The following PRDM15 variants were observed in gnomAD, a reference collection of about 807,000 sequenced individuals.
PRDM15 encodes the protein PR domain zinc finger protein 15.
In PRDM15, 64 loss-of-function variants were observed where a neutral mutation model predicts 128.6. The ratio of observed to expected loss-of-function variants is 0.50; its 90% CI spans 0.41 to 0.61. The LOEUF is 0.61. PRDM15 is among the 20% of genes least tolerant of loss of function. The probability of loss-of-function intolerance (pLI) is 0.00; values close to 1 mark genes in which losing one functional copy is unlikely to be tolerated. For missense variants in PRDM15, 1,242 were observed against 1,569.1 expected (o/e 0.79, Z 3.52); for synonymous variants, 615 against 621.8 (o/e 0.99, Z 0.16).
chr21:41,841,599 T>C (rs1037267494), intron 6 of PRDM15, among the ~76,000 whole-genome samples: 1 of 151,910 alleles, frequency 6.6e-6, no homozygotes, highest in Non-Finnish European at 1.5e-5. Context: ...CAAACATCAT[T>C]CTAGACAATT....
Position 41,836,246 on chromosome 21 carries a change from G to A in PRDM15, c.1184-39C>T, listed in dbSNP as rs755191560. On this transcript the variant is annotated intron_variant, in intron 9 of 23. Coordinates refer to ENST00000398548, the MANE Select transcript of PRDM15 (RefSeq NM_001040424.3). ...CAACAGAGAGCTCATTCACTACTTA[G>A]AGCATTTACCGAGAGAAGCATGCCC... 3.4e-5 allele frequency: 53 copies of A among 1,571,272 alleles called. 1 individual carries two copies. The East Asian group carries it at 1.2e-3, about 35-fold the overall frequency.
chr21:41,868,481 G>A (rs1218534730), intron 1 of PRDM15, among the ~76,000 whole-genome samples: 3 of 151,966 alleles, frequency 2.0e-5, no homozygotes, highest in East Asian at 1.9e-4. Flanking sequence ...GTTTCTCGGC[G>A]GCCTCACCAG....
rs200897134 is a variant in PRDM15 at position 41,810,357 on chromosome 21, C to T, written c.2477-28G>A. The T allele has an allele frequency of 5.7e-4, 911 of 1,597,690 alleles. 5 individuals carry two copies. The African/African-American group carries it at 0.011, about 19-fold the overall frequency. On this transcript the variant is annotated intron_variant, in intron 20 of 23. Transcript: ENST00000398548. The surrounding 1 kb of genome is among the most constrained non-coding windows in gnomAD (Gnocchi z 6.4). ...TTTCACACACACGCAGACACACATG[C>T]GCGTGGAAAGGAAGAGACACGCAGG...
chr21:41,802,015 A>G (rs564571667), intron 23 of PRDM15, among the ~76,000 whole-genome samples: 4 of 152,226 alleles, frequency 2.6e-5, no homozygotes, highest in Admixed American at 6.5e-5. Flanking sequence ...TTCCTTTTCT[A>G]TCCATTCCTC....
intron 5 of PRDM15, among the ~76,000 whole-genome samples, chr21:41,850,970 C>T (rs7282500): frequency 2.4e-4 from 36 of 152,098 alleles, no homozygotes; most frequent in African/African-American, 8.0e-4. Context: ...GGATCTCTCA[C>T]GCTCACCAGG....
chr21:41,832,677 A>G lies in PRDM15; in HGVS notation c.1366+2760T>C, dbSNP rs2062736332. Among the ~76,000 whole-genome samples the G allele has an allele frequency of 6.6e-6, 1 of 151,968 alleles. No homozygotes were observed. Among genetic ancestry groups the G allele is most frequent in the Non-Finnish European group, 1.5e-5 (1 of 67,990 alleles). On this transcript the variant is annotated intron_variant, in intron 11 of 23. Transcript: ENST00000398548. This position sits in a 1 kb window ranked among gnomAD's most constrained non-coding sequence, Gnocchi z 4.2. The stretch of plus-strand genomic sequence containing the variant: ...AAGAGCACAGGTGAGCCTCCTTCCC[A>G]GGCAGGTACCAACCAATACAAGTGA...
At chr21:41,803,657 C>T (rs1355599128) in intron 22 of PRDM15, among the ~76,000 whole-genome samples, 1 of 152,206 alleles carries the variant, frequency 6.6e-6, no homozygotes, top group Non-Finnish European at 1.5e-5. Context: ...GACCCGTCCC[C>T]CCCATGCCTG....
intron 21 of PRDM15, among the ~76,000 whole-genome samples, chr21:41,808,729 T>TA (rs2061760352): frequency 6.6e-6 from 1 of 152,202 alleles, no homozygotes; most frequent in Non-Finnish European, 1.5e-5. Flanking sequence ...ACACACATTA[T>TA]ATATGTGCAC....
intron 3 of PRDM15, among the ~76,000 whole-genome samples, chr21:41,858,368 A>T (rs1283560510): frequency 6.6e-6 from 1 of 151,636 alleles, no homozygotes; most frequent in Non-Finnish European, 1.5e-5. Context: ...AGAGGCGGAC[A>T]TTGGGTGCCC....
intron 8 of PRDM15, 197 bp from the exon 9 acceptor site, chr21:41,836,846 T>C (rs2062913779): frequency 6.5e-6 from 3 of 462,948 alleles, no homozygotes; most frequent in African/African-American, 5.9e-5. Flanking sequence ...ATAATGACAT[T>C]AGGCAGCTTT....
intron 1 of PRDM15, among the ~76,000 whole-genome samples, chr21:41,877,120 C>T (rs1272882013): frequency 6.6e-6 from 1 of 152,124 alleles, no homozygotes; most frequent in Non-Finnish European, 1.5e-5. Flanking sequence ...CACCACCGCA[C>T]CCACCTCCAC....
At chr21:41,834,537 C>A (rs767141739) in intron 11 of PRDM15, 21 of 1,550,058 alleles carry the variant, frequency 1.4e-5, no homozygotes, top group South Asian at 3.6e-5. Context: ...GCCGCCGGGC[C>A]CCCCCTCTCC....
intron 11 of PRDM15, among the ~76,000 whole-genome samples, chr21:41,834,327 C>T (rs1307090049): frequency 1.3e-5 from 2 of 152,166 alleles, no homozygotes; most frequent in Admixed American, 6.5e-5. Flanking sequence ...GGCAAGGGAG[C>T]AGGGCCTCTC....
Sources: allele counts gnomAD v4.1 joint callset (sites outside exome capture counted in the v4.1 genomes callset), GRCh38; gene constraint gnomAD v4.1.1; non-coding constraint Gnocchi (gnomAD v3.1); transcripts MANE v1.5; gene names NCBI Gene and HGNC (gene_info 2026-07-23, HGNC 2026-07-21).